Variants in COL23A1 observed in about 807,000 individuals in gnomAD.
COL23A1 encodes the protein collagen alpha-1(XXIII) chain.
In COL23A1, 97 loss-of-function variants were observed where a neutral mutation model predicts 99.3. The observed-to-expected ratio is 0.98, with a 90% CI of 0.83 to 1.16. The LOEUF (loss-of-function observed/expected upper bound fraction) is 1.16, where lower values mean the gene tolerates loss of function less well. Among genes scored for constraint, COL23A1 ranks in the 50% most tolerant of loss-of-function variants. COL23A1 has a pLI of 0.00. For missense variants in COL23A1, 762 were observed against 757.4 expected (o/e 1.01, Z -0.07); for synonymous variants, 320 against 308.2 (o/e 1.04, Z -0.40).
At chr5:178,272,913 G>A (rs899811144) in intron 5 of COL23A1, among the ~76,000 whole-genome samples, 1 of 152,184 alleles carries the variant, frequency 6.6e-6, no homozygotes, top group African/African-American at 2.4e-5. Flanking sequence ...CAGTCACACA[G>A]CAACCCTGTA....
At chr5:178,454,619 G>A (rs1172748240) in intron 2 of COL23A1, among the ~76,000 whole-genome samples, 1 of 152,186 alleles carries the variant, frequency 6.6e-6, no homozygotes. Context: ...AGACTCAGAA[G>A]AGCAGGCTCC....
At chr5:178,291,609 T>C (rs561068392) in intron 3 of COL23A1, among the ~76,000 whole-genome samples, 2 of 151,950 alleles carry the variant, frequency 1.3e-5, no homozygotes, top group Non-Finnish European at 2.9e-5. Flanking sequence ...TTTGTTTCCA[T>C]GTAATGGTCT....
chr5:178,437,156 T>C (rs973722830), intron 2 of COL23A1, among the ~76,000 whole-genome samples: 4 of 152,164 alleles, frequency 2.6e-5, no homozygotes, highest in Non-Finnish European at 5.9e-5. Context: ...GTCATTCAGC[T>C]GGGAGTGAGC....
chr5:178,361,444 C>G (rs141491451), intron 2 of COL23A1, among the ~76,000 whole-genome samples: 5 of 152,222 alleles, frequency 3.3e-5, no homozygotes, highest in African/African-American at 1.2e-4. Context: ...CACATGTGGC[C>G]TGAGGAGGGT....
chr5:178,566,941 A>C (rs186155036), intron 1 of COL23A1, among the ~76,000 whole-genome samples: 3 of 152,378 alleles, frequency 2.0e-5, no homozygotes, highest in Admixed American at 2.0e-4. Context: ...CAATTTTGAA[A>C]CTACTTTATA....
chr5:178,309,984 C>T lies in COL23A1; in HGVS notation c.362-3065G>A, dbSNP rs561300810. On this transcript the variant is annotated intron_variant, in intron 2 of 28. Coordinates refer to ENST00000390654, the MANE Select transcript of COL23A1 (RefSeq NM_173465.4). This position sits in a 1 kb window ranked among gnomAD's most constrained non-coding sequence, Gnocchi z 4.7. The stretch of plus-strand genomic sequence containing the variant: ...GGGAGAAGGGGACAGGCAGGGAGGC[C>T]TCAGGTCTCCTCACTGCTTCTGGGA... 3.3e-5 allele frequency among the ~76,000 whole-genome samples: 5 copies of T among 152,278 alleles called. No homozygotes were observed. The South Asian group carries it at 1.0e-3, about 32-fold the overall frequency.
At chr5:178,356,329 A>G (rs142281590) in intron 2 of COL23A1, among the ~76,000 whole-genome samples, 1 of 152,358 alleles carries the variant, frequency 6.6e-6, no homozygotes, top group African/African-American at 2.4e-5. Flanking sequence ...GGTGCACTTT[A>G]AACAGCTGGA....
rs746614048 is a variant in COL23A1, at chr5:178,238,671, T to C, written c.*27A>G. 1.2e-6 allele frequency: 2 copies of C among 1,611,944 alleles called. No individual in the cohort carries two copies. The highest frequency in any genetic ancestry group is 2.2e-5 in the East Asian group (1 of 44,884). On this transcript the variant is annotated 3_prime_UTR_variant, in exon 29 of 29. Transcript: ENST00000390654. ...AAAATTAAAAATGTCCACACGGATC[T>C]GTACAGGTGTGAGCTGGGCCTGTGG...
rs552358267 is a variant in COL23A1, at chr5:178,270,432, A to T, written c.442-69T>A. 7.0e-6 allele frequency: 11 copies of T among 1,575,138 alleles called. No homozygotes were observed. In the East Asian group the frequency reaches 2.2e-4, roughly 32 times the overall value. On this transcript the variant is annotated intron_variant, in intron 5 of 28. Transcript: ENST00000390654. ...ACACTTCCTCCATGTCTTATGACCC[A>T]GGTGCACTATTCAGTGACAAGAAAA...
At chr5:178,252,879 G>A (rs1319144994) in intron 16 of COL23A1, among the ~76,000 whole-genome samples, 4 of 152,278 alleles carry the variant, frequency 2.6e-5, no homozygotes, top group Admixed American at 6.5e-5. Flanking sequence ...ATTTCTTCAC[G>A]ATGTTCCCCT....
At position 178,420,430 on chromosome 5, in the gene COL23A1, C is replaced by CTCCCACTCTTTCTCCTTCCCCT. The variant is rs1765553346; in HGVS notation, c.362-113512_362-113511insAGGGGAAGGAGAAAGAGTGGGA. 1.4e-4 allele frequency among the ~76,000 whole-genome samples: 3 copies of CTCCCACTCTTTCTCCTTCCCCT among 21,632 alleles called. No homozygotes were observed. The African/African-American group carries it at 2.9e-3, about 21-fold the overall frequency. The allele number at this position is 21,632 out of a possible 152,430, so 14.2% of individuals were successfully genotyped here. Reference sequence around the variant, plus strand: ...TGAGATGTGACCTCCCTTCTCCCCTCCCCCGCTCTTTCCTCCTCCCCTCCC... The same window carrying CTCCCACTCTTTCTCCTTCCCCT: ...TGAGATGTGACCTCCCTTCTCCCCTCTCCCACTCTTTCTCCTTCCCCTCCCCGCTCTTTCCTCCTCCCCTCCC... On this transcript the variant is annotated intron_variant, in intron 2 of 28. Coordinates refer to ENST00000390654, the MANE Select transcript of COL23A1 (RefSeq NM_173465.4).
chr5:178,310,126 G>A lies in COL23A1; in HGVS notation c.362-3207C>T, dbSNP rs761981974. ...GAGTGCCTTCCACCCTTCCTTTCCC[G>A]GACTGCGAGAAGACAGGCGGTGAGG... On this transcript the variant is annotated intron_variant, in intron 2 of 28. Coordinates refer to ENST00000390654, the MANE Select transcript of COL23A1 (RefSeq NM_173465.4). This position sits in a 1 kb window ranked among gnomAD's most constrained non-coding sequence, Gnocchi z 4.3. Among the ~76,000 whole-genome samples the A allele has an allele frequency of 5.3e-5, 8 of 152,218 alleles. No individual in the cohort carries two copies. The highest frequency in any genetic ancestry group is 1.0e-4 in the Non-Finnish European group (7 of 68,042).
chr5:178,277,325 C>T (rs1215892446), intron 5 of COL23A1, among the ~76,000 whole-genome samples: 2 of 152,238 alleles, frequency 1.3e-5, no homozygotes. Context: ...ATGATGGCAC[C>T]ACTACACTCC....
chr5:178,495,178 T>TGCAGGCTCCCTGCACC (rs1758134023), intron 2 of COL23A1, among the ~76,000 whole-genome samples: 1 of 152,198 alleles, frequency 6.6e-6, no homozygotes, highest in South Asian at 2.1e-4. Context: ...CTCCCTGCAC[T>TGCAGGCTCCCTGCACC]GCAGGCTCCC....
intron 2 of COL23A1, among the ~76,000 whole-genome samples, chr5:178,407,875 G>A (rs1193942838): frequency 3.3e-5 from 5 of 152,286 alleles, no homozygotes; most frequent in African/African-American, 1.2e-4. Flanking sequence ...GTGTCAGCAA[G>A]AGTCCCAAGA....
chr5:178,524,474 C>A (rs1384242830), intron 2 of COL23A1, among the ~76,000 whole-genome samples: 1 of 152,138 alleles, frequency 6.6e-6, no homozygotes, highest in East Asian at 1.9e-4. Context: ...GGGGCTTTAC[C>A]CAAAGGGAAA....
At chr5:178,347,540 A>T (rs1216221954) in intron 2 of COL23A1, among the ~76,000 whole-genome samples, 1 of 151,964 alleles carries the variant, frequency 6.6e-6, no homozygotes, top group East Asian at 1.9e-4. Context: ...AAAACCACCG[A>T]GTCATACACT....
chr5:178,385,128 T>C (rs1291417315), intron 2 of COL23A1, among the ~76,000 whole-genome samples: 1 of 152,138 alleles, frequency 6.6e-6, no homozygotes, highest in Non-Finnish European at 1.5e-5. Flanking sequence ...CCCACAGCTA[T>C]AGGAGTGTGG....
At chr5:178,259,944 A>G (rs925030279) in intron 11 of COL23A1, among the ~76,000 whole-genome samples, 197 bp from the exon 12 acceptor site, 7 of 152,202 alleles carry the variant, frequency 4.6e-5, no homozygotes, top group Non-Finnish European at 8.8e-5. Flanking sequence ...TCCCAAGCTC[A>G]ATGACCCTGG....
Sources: gnomAD v4.1 joint callset for allele counts (sites outside exome capture counted in the v4.1 genomes callset) on GRCh38, gnomAD v4.1.1 for gene constraint, Gnocchi (gnomAD v3.1) non-coding constraint, MANE v1.5 for transcripts, NCBI Gene and HGNC (gene_info 2026-07-23, HGNC 2026-07-21) for gene names.